Variants in CSMD1 observed in about 807,000 individuals in gnomAD.
CSMD1 encodes CUB and sushi domain-containing protein 1.
Under a neutral mutation model 417.5 loss-of-function variants are expected in CSMD1, and 213 were observed. That is an observed-to-expected ratio of 0.51 (90% CI 0.46 to 0.57). The LOEUF (loss-of-function observed/expected upper bound fraction) is 0.57. Among genes scored for constraint, CSMD1 ranks in the 20% least tolerant of loss-of-function variants. The probability of loss-of-function intolerance (pLI) is 0.00; values close to 1 mark genes in which losing one functional copy is unlikely to be tolerated. For missense variants in CSMD1, 6,923 were observed against 4,529.7 expected, an observed-to-expected ratio of 1.53 and a Z score of -15.17; for synonymous variants, 2,862 against 1,736.8, an observed-to-expected ratio of 1.65 and a Z score of -16.11.
At chr8:3,058,590 A>G (rs17317635) in intron 49 of CSMD1, among the ~76,000 whole-genome samples, 1,681 of 152,350 alleles carry the variant, frequency 0.011, 16 homozygotes, top group Middle Eastern at 0.024. Context: ...CCAGGCCTCT[A>G]GAAAGAATGT....
chr8:3,444,549 C>T (rs28400437), intron 12 of CSMD1, among the ~76,000 whole-genome samples: 19,221 of 152,082 alleles, frequency 0.13, 1,307 homozygotes, highest in African/African-American at 0.17. Flanking sequence ...TTGGTATTTG[C>T]ACACTGAGGG....
At chr8:3,618,915 G>T (rs985442845) in intron 7 of CSMD1, among the ~76,000 whole-genome samples, 1 of 152,138 alleles carries the variant, frequency 6.6e-6, no homozygotes, top group East Asian at 1.9e-4. Context: ...CACGATGGTC[G>T]CTCTGTGGGC....
chr8:4,270,073 G>T (rs116576880), intron 3 of CSMD1, among the ~76,000 whole-genome samples: 1 of 152,158 alleles, frequency 6.6e-6, no homozygotes, highest in African/African-American at 2.4e-5. Flanking sequence ...AGCTTCTGAG[G>T]AGAGAAACAT....
chr8:4,881,540 T>TG lies in CSMD1; in HGVS notation c.85+112791_85+112792insC, dbSNP rs1803401972. On this transcript the variant is annotated intron_variant, in intron 1 of 69. Coordinates refer to ENST00000635120, the MANE Select transcript of CSMD1 (RefSeq NM_033225.6). ...GTCAGAAACTCGAAGTTAGTTTTTT[T>TG]TTTTTTTTTTTATCTCATTTACGCC... is the stretch of plus-strand genomic sequence containing the variant. Among the ~76,000 whole-genome samples the TG allele has an allele frequency of 2.0e-5, 3 of 151,538 alleles. No individual in the cohort carries two copies. In the South Asian group the frequency reaches 6.2e-4, roughly 31 times the overall value.
intron 3 of CSMD1, among the ~76,000 whole-genome samples, chr8:4,259,987 C>A (rs1341761980): frequency 6.6e-6 from 1 of 151,636 alleles, no homozygotes; most frequent in Non-Finnish European, 1.5e-5. Flanking sequence ...GATAACAGAC[C>A]TATAAAGCAC....
chr8:3,492,840 C>G (rs547601991), intron 11 of CSMD1, among the ~76,000 whole-genome samples: 2 of 151,906 alleles, frequency 1.3e-5, no homozygotes, highest in African/African-American at 4.8e-5. Flanking sequence ...ACTTTTCCCC[C>G]CCATGTCTGT....
chr8:4,216,982 G>T (rs946271323), intron 3 of CSMD1, among the ~76,000 whole-genome samples: 1 of 152,130 alleles, frequency 6.6e-6, no homozygotes, highest in Non-Finnish European at 1.5e-5. Flanking sequence ...GGTCCCCACG[G>T]TTAAGACTTC....
intron 3 of CSMD1, among the ~76,000 whole-genome samples, chr8:4,412,261 C>A (rs778318443): frequency 6.6e-6 from 1 of 152,054 alleles, no homozygotes; most frequent in Non-Finnish European, 1.5e-5. Flanking sequence ...CATGGTGGGG[C>A]AGATTTCTCA....
rs539100517 is a variant in CSMD1, at chr8:4,787,430, A to G, written c.86-149872T>C. The G allele has an allele frequency of 1.1e-4, 82 of 754,442 alleles. No individual in the cohort carries two copies. The African/African-American group carries it at 1.3e-3, about 12-fold the overall frequency. The allele number at this position is 754,442 out of a possible 1,614,324, so 46.7% of individuals were successfully genotyped here. On this transcript the variant is annotated intron_variant, in intron 1 of 69. Coordinates refer to ENST00000635120, the MANE Select transcript of CSMD1 (RefSeq NM_033225.6). ...CCTCCTGCAGTCCAAGGACAAGATT[A>G]CAGCAGGAAATGTAGCTAGAAAGAA... is the stretch of plus-strand genomic sequence containing the variant.
chr8:4,040,503 C>T (rs781379080), intron 3 of CSMD1, among the ~76,000 whole-genome samples: 1 of 152,160 alleles, frequency 6.6e-6, no homozygotes, highest in Non-Finnish European at 1.5e-5. Context: ...AAAACTCTTT[C>T]ATATGAAAAT....
chr8:3,695,767 T>A (rs1800519660), intron 7 of CSMD1, among the ~76,000 whole-genome samples: 1 of 152,198 alleles, frequency 6.6e-6, no homozygotes, highest in Admixed American at 6.5e-5. Flanking sequence ...GCATATTCAA[T>A]ACATGATGAA....
chr8:4,742,191 C>CGGCTAATTTTTTGTATTTT, intron 1 of CSMD1, among the ~76,000 whole-genome samples: 1 of 151,102 alleles, frequency 6.6e-6, no homozygotes, highest in South Asian at 2.1e-4. Context: ...CCACCACGCC[C>CGGCTAATTTTTTGTATTTT]GGCTAATTTT....
chr8:4,719,192 G>A (rs1808886490), intron 1 of CSMD1, among the ~76,000 whole-genome samples: 1 of 152,298 alleles, frequency 6.6e-6, no homozygotes, highest in African/African-American at 2.4e-5. Flanking sequence ...GCTAGAGAAA[G>A]TGCAGGGGTG....
chr8:4,148,267 G>T (rs550831372), intron 3 of CSMD1, among the ~76,000 whole-genome samples: 2 of 149,636 alleles, frequency 1.3e-5, no homozygotes, highest in African/African-American at 4.9e-5. Context: ...CTATCACAAG[G>T]ACAAAAAACC....
chr8:4,183,596 T>G (rs909373756), intron 3 of CSMD1, among the ~76,000 whole-genome samples: 1 of 152,306 alleles, frequency 6.6e-6, no homozygotes, highest in Non-Finnish European at 1.5e-5. Flanking sequence ...AAATTCATAA[T>G]TTTGAACTTT....
intron 5 of CSMD1, among the ~76,000 whole-genome samples, chr8:3,894,212 G>A (rs141882708): frequency 6.6e-6 from 1 of 152,038 alleles, no homozygotes; most frequent in Non-Finnish European, 1.5e-5. Flanking sequence ...AAACCCAGAA[G>A]ACAAGAACGC....
At chr8:3,696,143 A>G (rs966405237) in intron 7 of CSMD1, among the ~76,000 whole-genome samples, 1 of 152,200 alleles carries the variant, frequency 6.6e-6, no homozygotes, top group African/African-American at 2.4e-5. Context: ...GTTTTCCCAG[A>G]TACATAATGA....
intron 12 of CSMD1, among the ~76,000 whole-genome samples, chr8:3,464,356 A>T (rs1816683346): frequency 6.6e-6 from 1 of 152,158 alleles, no homozygotes; most frequent in Non-Finnish European, 1.5e-5. Context: ...TAACTTCCTC[A>T]TGGCTAGAAG....
chr8:4,125,002 T>A (rs565341327), intron 3 of CSMD1, among the ~76,000 whole-genome samples: 69 of 151,896 alleles, frequency 4.5e-4, no homozygotes, highest in Non-Finnish European at 8.1e-4. Flanking sequence ...TTCACTTTCA[T>A]AAATCTTGCC....
Sources: allele counts gnomAD v4.1 joint callset (sites outside exome capture counted in the v4.1 genomes callset), GRCh38; gene constraint gnomAD v4.1.1; transcripts MANE v1.5; gene names NCBI Gene and HGNC (gene_info 2026-07-23, HGNC 2026-07-21).